Variants in SIRT3 observed in about 807,000 individuals in gnomAD.
SIRT3 encodes the protein sirtuin 3.
In SIRT3, 26 loss-of-function variants were observed where a neutral mutation model predicts 33.5. The ratio of observed to expected loss-of-function variants is 0.78; its 90% CI spans 0.57 to 1.08. SIRT3 has a LOEUF of 1.08. Among genes scored for constraint, SIRT3 ranks in the 50% least tolerant of loss-of-function variants. SIRT3 has a pLI of 0.00. For missense variants in SIRT3, 585 were observed against 530.1 expected (o/e 1.10, Z -1.02); for synonymous variants, 237 against 222.1 (o/e 1.07, Z -0.60).
chr11:236,831 A>C, upstream of SIRT3: 1 of 584,410 alleles, frequency 1.7e-6, no homozygotes, highest in East Asian at 2.9e-5. Context: ...TGGCACAGCC[A>C]AGTGCGCGGG....
intron 5 of SIRT3, among the ~76,000 whole-genome samples, chr11:221,056 A>T (rs1856381335): frequency 6.6e-6 from 1 of 151,084 alleles, no homozygotes; most frequent in African/African-American, 2.4e-5. Context: ...AGGATGATAC[A>T]CAGGGATATT....
chr11:217,904 C>T (rs1055716018), intron 6 of SIRT3, among the ~76,000 whole-genome samples: 5 of 152,138 alleles, frequency 3.3e-5, no homozygotes, highest in African/African-American at 9.7e-5. Flanking sequence ...ATCATGGGGG[C>T]GGGTCTTTCC....
In SIRT3 at chr11:233,405, G is replaced by A; in HGVS notation, c.411C>T (p.Cys137=). 6.2e-7 allele frequency: 1 copy of A among 1,614,026 alleles called. No individual in the cohort carries two copies. The highest frequency in any genetic ancestry group is 8.5e-7 in the Non-Finnish European group (1 of 1,180,006). Reference sequence around the variant, plus strand: ...CCCCCACCATGACCACCACCCTCTGGCAGGCTCTGGCCCGAATCAGCTCAG... The same window carrying A: ...CCCCCACCATGACCACCACCCTCTGACAGGCTCTGGCCCGAATCAGCTCAG... ...DVAELIRARA[C]QRVVVMVGAG... The change falls in exon 2 of 7, where the codon TGC becomes TGT. Residue 137 remains cysteine, a synonymous_variant. Coordinates refer to ENST00000382743, the MANE Select transcript of SIRT3 (RefSeq NM_012239.6).
At chr11:228,482 T>C (rs889084787) in intron 4 of SIRT3, among the ~76,000 whole-genome samples, 2 of 152,224 alleles carry the variant, frequency 1.3e-5, no homozygotes, top group African/African-American at 2.4e-5. Context: ...CATACACCTA[T>C]GGCCAACTGA....
In SIRT3 at chr11:224,212, G is replaced by A. The variant is rs199552510; in HGVS notation, c.835C>T (p.Arg279Cys). 3.3e-5 allele frequency: 53 copies of A among 1,614,024 alleles called. No individual in the cohort carries two copies. Among genetic ancestry groups the A allele is most frequent in the South Asian group, 5.5e-5 (5 of 91,082 alleles). The change falls in exon 5 of 7, where the codon CGC becomes TGC. Residue 279 changes from arginine to cysteine, a missense_variant. Coordinates refer to ENST00000382743, the MANE Select transcript of SIRT3 (RefSeq NM_012239.6). ...ACAACGCCGGTGCAGACCGGGCAGC[G>A]GGGAACCCTGTCTGCCATCACGTCA... ...RADVMADRVP[R>C]CPVCTGVVKP...
chr11:216,730 A>G lies in SIRT3; in HGVS notation c.1180-12T>C, dbSNP rs1335070639. 1.9e-6 allele frequency: 3 copies of G among 1,614,008 alleles called. No individual in the cohort carries two copies. The African/African-American group carries it at 4.0e-5, about 22-fold the overall frequency. ...TCTGGTCCATCAAGCTGGAATACAG[A>G]AGACAGAGGGTATCAGCTATCTGTT... On this transcript the variant is annotated splice_polypyrimidine_tract_variant and intron_variant, in intron 6 of 6. Coordinates refer to ENST00000382743, the MANE Select transcript of SIRT3 (RefSeq NM_012239.6).
intron 5 of SIRT3, 42 bp downstream of exon 5, chr11:224,036 C>T (rs1412417739): frequency 2.6e-6 from 4 of 1,545,908 alleles, no homozygotes; most frequent in Non-Finnish European, 3.5e-6. Context: ...CCTCCCTTCC[C>T]CTGCCCTCCA....
intron 4 of SIRT3, among the ~76,000 whole-genome samples, chr11:225,209 C>T (rs950256217): frequency 7.2e-5 from 11 of 151,966 alleles, no homozygotes; most frequent in African/African-American, 9.7e-5. Context: ...GTCAGGAGAT[C>T]GAGACTGTCT....
At position 232,982 on chromosome 11, in the gene SIRT3, C is replaced by G. The variant is rs1444444198; in HGVS notation, c.706+1G>C. On this transcript the variant is annotated splice_donor_variant, in intron 3 of 6. Transcript: ENST00000382743. LOFTEE classifies it high-confidence loss of function. ...ATGTGTGCGACTCACAGAGGGCTCA[C>G]CTCTCTCAAGCCCATCGATGTTCTG... 6.2e-7 allele frequency: 1 copy of G among 1,613,208 alleles called. No homozygotes were observed. Among genetic ancestry groups the G allele is most frequent in the Non-Finnish European group, 8.5e-7 (1 of 1,179,300 alleles).
chr11:235,217 C>A (rs61876200), intron 1 of SIRT3, among the ~76,000 whole-genome samples: 1 of 150,112 alleles, frequency 6.7e-6, no homozygotes, highest in Non-Finnish European at 1.5e-5. Flanking sequence ...TTTTTTTTCC[C>A]ACAGGTAGAT....
chr11:236,536 G>A (rs2974902), upstream of SIRT3: 3,816 of 166,964 alleles, frequency 0.023, 161 homozygotes, highest in African/African-American at 0.086. Flanking sequence ...GCGAGTAGAG[G>A]AAGTTCCCTA....
chr11:235,201 T>G (rs1170040727), intron 1 of SIRT3, among the ~76,000 whole-genome samples: 3 of 54,996 alleles, frequency 5.5e-5, no homozygotes, highest in African/African-American at 2.3e-4. Context: ...ATTAAACTTT[T>G]TTCTTTTTTT....
chr11:230,458 G>C lies in SIRT3; in HGVS notation c.801C>G (p.Asp267Glu). ...CAACAGCAGGATAACTCACCCGAAT[G>C]TCCTCCCCTGGGAAGGGTCTTTGGC... is the stretch of plus-strand genomic sequence containing the variant. ...TVCQRPFPGE[D>E]IRADVMADRV... The change falls in exon 4 of 7, where the codon GAC (aspartate) becomes GAG (glutamate). Residue 267 changes from aspartate to glutamate, a missense_variant. Coordinates refer to ENST00000382743, the MANE Select transcript of SIRT3 (RefSeq NM_012239.6). 1 of 1,458,984 alleles carries C rather than the reference G, an allele frequency of 6.9e-7. No individual in the cohort carries two copies. Among genetic ancestry groups the C allele is most frequent in the Non-Finnish European group, 9.1e-7 (1 of 1,098,820 alleles). The allele number at this position is 1,458,984 out of a possible 1,614,324, so 90.4% of individuals were successfully genotyped here. A position where few individuals can be genotyped will look rare whatever the true frequency, so the allele number is the denominator to read the frequency against.
intron 4 of SIRT3, among the ~76,000 whole-genome samples, chr11:228,005 T>C (rs1857406625): frequency 1.3e-5 from 2 of 152,196 alleles, no homozygotes; most frequent in Admixed American, 1.3e-4. Flanking sequence ...ATCGTCAGGA[T>C]ACAGTTCAAA....
At position 236,298 on chromosome 11, in the gene SIRT3, C is replaced by T. The variant is rs1277486848; in HGVS notation, c.31G>A (p.Ala11Thr). 2 of 1,526,558 alleles carry T rather than the reference C, an allele frequency of 1.3e-6. No individual in the cohort carries two copies. The highest frequency in any genetic ancestry group is 1.7e-6 in the Non-Finnish European group (2 of 1,143,730). The allele number at this position is 1,526,558 out of a possible 1,614,324, so 94.6% of individuals were successfully genotyped here. MAFWGWRAAA[A>T]LRLWGRVVER... ...ACTACCCGGCCCCACAGCCGGAGGG[C>T]TGCCGCGGCGCGCCAACCCCAGAAC... The change falls in exon 1 of 7, where the codon GCC (alanine) becomes ACC (threonine). Residue 11 changes from alanine (A) to threonine (T), a missense_variant. Transcript: ENST00000382743.
chr11:236,081 G>A lies in SIRT3; in HGVS notation c.248C>T (p.Pro83Leu), dbSNP rs1405061216. 20 of 1,549,622 alleles carry A rather than the reference G, an allele frequency of 1.3e-5. No homozygotes were observed. In the South Asian group the frequency reaches 2.3e-4, roughly 17 times the overall value. The change falls in exon 1 of 7, where the codon CCG (proline) becomes CTG (leucine). Residue 83 changes from proline (P) to leucine (L), a missense_variant. Coordinates refer to ENST00000382743, the MANE Select transcript of SIRT3 (RefSeq NM_012239.6). ...GAAGAAACTGGGAGCTGCTGCCCTCGGCTGCCTCCGGAATGCCCTGGGCAC... is the reference window on the plus strand; with the variant it reads ...GAAGAAACTGGGAGCTGCTGCCCTCAGCTGCCTCCGGAATGCCCTGGGCAC... Reference protein sequence around the residue: ...PEVPRAFRRQPRAAAPSFFFS... With the variant: ...PEVPRAFRRQLRAAAPSFFFS...
Position 216,738 on chromosome 11 carries a change from G to C in SIRT3, c.1180-20C>G. On this transcript the variant is annotated intron_variant, in intron 6 of 6. Transcript: ENST00000382743. ...ATCAAGCTGGAATACAGAAGACAGA[G>C]GGTATCAGCTATCTGTTTACACACC... 1 of 1,613,874 alleles carries C rather than the reference G, an allele frequency of 6.2e-7. No individual in the cohort carries two copies.
intron 4 of SIRT3, among the ~76,000 whole-genome samples, chr11:229,509 A>C (rs1857610759): frequency 1.3e-5 from 2 of 151,310 alleles, no homozygotes; most frequent in Non-Finnish European, 2.9e-5. Flanking sequence ...TAATCTTAGC[A>C]CTTTGGGAGG....
intron 5 of SIRT3, among the ~76,000 whole-genome samples, chr11:222,215 C>G (rs1392692405): frequency 6.6e-6 from 1 of 152,118 alleles, no homozygotes; most frequent in African/African-American, 2.4e-5. Flanking sequence ...TGTCTGTCCA[C>G]ACCCTGGGCT....
Sources: allele counts gnomAD v4.1 joint callset (sites outside exome capture counted in the v4.1 genomes callset), GRCh38; gene constraint gnomAD v4.1.1; transcripts MANE v1.5; gene names NCBI Gene and HGNC (gene_info 2026-07-23, HGNC 2026-07-21).